CMBL: variants seen among roughly 807,000 people sequenced by gnomAD.
The protein encoded by CMBL is carboxymethylenebutenolidase homolog, also known as carboxymethylenebutenolidase homolog (Pseudomonas).
CMBL carries 17 observed loss-of-function variants against 28.7 expected under a neutral mutation model. The observed-to-expected ratio is 0.59, with a 90% CI of 0.41 to 0.89. The LOEUF (loss-of-function observed/expected upper bound fraction) is 0.89, where lower values mean the gene tolerates loss of function less well. Ranked by LOEUF, CMBL falls within the 40% of genes least tolerant of loss-of-function variation. The probability of loss-of-function intolerance (pLI) is 0.00; values close to 1 mark genes in which losing one functional copy is unlikely to be tolerated. For synonymous variants in CMBL, 106 were observed against 101.6 expected (o/e 1.04, Z -0.26); for missense variants, 310 against 298.5 (o/e 1.04, Z -0.28).
At chr5:10,304,564 T>C (rs1746965273) in intron 1 of CMBL, among the ~76,000 whole-genome samples, 1 of 152,262 alleles carries the variant, frequency 6.6e-6, no homozygotes, top group African/African-American at 2.4e-5. Context: ...GCTGCAACAC[T>C]TTATGAGAAA....
In CMBL at chr5:10,286,344, G is replaced by A; in HGVS notation, c.466+10C>T. 6.2e-7 allele frequency: 1 copy of A among 1,612,100 alleles called. No individual in the cohort carries two copies. Among genetic ancestry groups the A allele is most frequent in the Non-Finnish European group, 8.5e-7 (1 of 1,179,008 alleles). On this transcript the variant is annotated intron_variant, in intron 4 of 5. Transcript: ENST00000296658. Reference sequence around the variant, plus strand: ...TCTGCATGGAGTAAAAATGCACAAGGCAGATTTACCATAGACGGACACCCC... The same window carrying A: ...TCTGCATGGAGTAAAAATGCACAAGACAGATTTACCATAGACGGACACCCC...
At chr5:10,287,285 C>T (rs1055154431) in intron 3 of CMBL, among the ~76,000 whole-genome samples, 7 of 152,138 alleles carry the variant, frequency 4.6e-5, no homozygotes, top group South Asian at 2.1e-4. Context: ...CTATATACAC[C>T]ATAGACTATA....
At chr5:10,306,702 A>T (rs574707938) in intron 1 of CMBL, among the ~76,000 whole-genome samples, 10 of 152,326 alleles carry the variant, frequency 6.6e-5, no homozygotes, top group Admixed American at 1.3e-4. Flanking sequence ...ATGATTCTAC[A>T]AACATCAAAC....
chr5:10,288,418 T>C lies in CMBL; in HGVS notation c.323+4A>G. 6.2e-7 allele frequency: 1 copy of C among 1,610,138 alleles called. No homozygotes were observed. Among genetic ancestry groups the C allele is most frequent in the Non-Finnish European group, 8.5e-7 (1 of 1,176,412 alleles). On this transcript the variant is annotated splice_donor_region_variant and intron_variant, in intron 3 of 5. Coordinates refer to ENST00000296658, the MANE Select transcript of CMBL (RefSeq NM_138809.4). ...GCACATGGCCACGTCTGCGGATAACTCACCTATCGATCTTCTGGGCATTTC... is the reference window on the plus strand; with the variant it reads ...GCACATGGCCACGTCTGCGGATAACCCACCTATCGATCTTCTGGGCATTTC...
Position 10,289,347 on chromosome 5 carries a change from C to T in CMBL, c.216-818G>A, listed in dbSNP as rs747571854. Among the ~76,000 whole-genome samples, 1 of 152,028 alleles carries T rather than the reference C, an allele frequency of 6.6e-6. No individual in the cohort carries two copies. Among genetic ancestry groups the T allele is most frequent in the Admixed American group, 6.5e-5 (1 of 15,278 alleles). ...ACTGCCTAACCCCAGAGGATCCTCTCGAGGGCAAAAAAAGTTGTATACCTG... is the reference window on the plus strand; with the variant it reads ...ACTGCCTAACCCCAGAGGATCCTCTTGAGGGCAAAAAAAGTTGTATACCTG... On this transcript the variant is annotated intron_variant, in intron 2 of 5. Transcript: ENST00000296658. The surrounding 1 kb of genome is among the most constrained non-coding windows in gnomAD (Gnocchi z 4.3).
chr5:10,303,657 A>C (rs1746949410), intron 1 of CMBL, among the ~76,000 whole-genome samples: 1 of 152,122 alleles, frequency 6.6e-6, no homozygotes, highest in South Asian at 2.1e-4. Context: ...CACCAAGGAG[A>C]CCCCAGAATA....
At chr5:10,282,511 G>A (rs570722485) in intron 4 of CMBL, among the ~76,000 whole-genome samples, 5 of 152,272 alleles carry the variant, frequency 3.3e-5, no homozygotes, top group East Asian at 1.9e-4. Flanking sequence ...GGCCGGGCGC[G>A]GTGGCTCACG....
intron 1 of CMBL, among the ~76,000 whole-genome samples, chr5:10,301,605 G>GTTTT (rs1192683206): frequency 3.9e-5 from 3 of 77,270 alleles, no homozygotes; most frequent in East Asian, 2.1e-4. Flanking sequence ...TTTCTTTTCG[G>GTTTT]GTTTTTTTTT....
chr5:10,300,641 A>C (rs956658454), intron 1 of CMBL, among the ~76,000 whole-genome samples: 2 of 151,912 alleles, frequency 1.3e-5, no homozygotes, highest in Non-Finnish European at 2.9e-5. Context: ...CTCTACAAAA[A>C]AATTTTTTTA....
At position 10,304,501 on chromosome 5, in the gene CMBL, A is replaced by G. The variant is rs191277006; in HGVS notation, c.-20+3124T>C. On this transcript the variant is annotated intron_variant, in intron 1 of 5. Coordinates refer to ENST00000296658, the MANE Select transcript of CMBL (RefSeq NM_138809.4). The stretch of plus-strand genomic sequence containing the variant: ...TCCCACACTGGAAGGGTCTGTTTCC[A>G]GCTTCTGGCCAGAGACTACACTTCC... Among the ~76,000 whole-genome samples the G allele has an allele frequency of 5.2e-4, 79 of 152,286 alleles. 2 individuals carry two copies. In the South Asian group the frequency reaches 0.015, roughly 29 times the overall value.
chr5:10,298,396 T>C lies in CMBL; in HGVS notation c.-19-7615A>G, dbSNP rs72740415. 6.6e-3 allele frequency among the ~76,000 whole-genome samples: 1,005 copies of C among 151,908 alleles called. 5 individuals are homozygous for C. Among genetic ancestry groups the C allele is most frequent in the Non-Finnish European group, 0.01 (695 of 67,926 alleles). On this transcript the variant is annotated intron_variant, in intron 1 of 5. Coordinates refer to ENST00000296658, the MANE Select transcript of CMBL (RefSeq NM_138809.4). Reference sequence around the variant, plus strand: ...ATAAATCCCATTTCATGGTAACCAATTTAAAAAAAAAGGAAAGACAACTGC... The same window carrying C: ...ATAAATCCCATTTCATGGTAACCAACTTAAAAAAAAAGGAAAGACAACTGC...
At chr5:10,304,508 G>A (rs1746964387) in intron 1 of CMBL, among the ~76,000 whole-genome samples, 1 of 152,174 alleles carries the variant, frequency 6.6e-6, no homozygotes, top group Admixed American at 6.5e-5. Flanking sequence ...TCCAGCTTCT[G>A]GCCAGAGACT....
At chr5:10,281,033 C>T (rs1260731733) in intron 5 of CMBL, among the ~76,000 whole-genome samples, 1 of 152,240 alleles carries the variant, frequency 6.6e-6, no homozygotes, top group East Asian at 1.9e-4. Context: ...CTCTGCCTCC[C>T]AATGTGTTGG....
chr5:10,304,604 C>T (rs1193049396), intron 1 of CMBL, among the ~76,000 whole-genome samples: 1 of 152,202 alleles, frequency 6.6e-6, no homozygotes, highest in Non-Finnish European at 1.5e-5. Context: ...ATTTATGAAA[C>T]TCATCATTCT....
At chr5:10,301,606 G>GTATTT (rs1554014102) in intron 1 of CMBL, among the ~76,000 whole-genome samples, 1 of 132,260 alleles carries the variant, frequency 7.6e-6, no homozygotes, top group African/African-American at 2.9e-5. Context: ...TTCTTTTCGG[G>GTATTT]TTTTTTTTTT....
chr5:10,294,477 T>A (rs1339250719), intron 1 of CMBL, among the ~76,000 whole-genome samples: 1 of 151,448 alleles, frequency 6.6e-6, no homozygotes, highest in East Asian at 1.9e-4. Flanking sequence ...GGTAGGGGGA[T>A]CCCTTGAGCC....
rs540979033 is a variant in CMBL, at chr5:10,280,820, T to C, written c.559-188A>G. ...ACAGGGTCTCACTCTGTTGCCCAGG[T>C]TGGAGTTCAGTGGCGCCATCTCAGC... On this transcript the variant is annotated intron_variant, in intron 5 of 5. Transcript: ENST00000296658. Among the ~76,000 whole-genome samples the C allele has an allele frequency of 1.2e-4, 18 of 152,252 alleles. No homozygotes were observed. The South Asian group carries it at 3.1e-3, about 26-fold the overall frequency.
intron 4 of CMBL, among the ~76,000 whole-genome samples, chr5:10,282,888 G>T (rs1483301037): frequency 1.3e-5 from 2 of 152,084 alleles, no homozygotes; most frequent in Non-Finnish European, 2.9e-5. Context: ...TCAGGAGTCC[G>T]AGACTAGCCT....
At chr5:10,306,354 AG>A (rs1377837606) in intron 1 of CMBL, among the ~76,000 whole-genome samples, 7 of 152,120 alleles carry the variant, frequency 4.6e-5, no homozygotes, top group Admixed American at 4.6e-4. Flanking sequence ...GGAGAGCCTG[AG>A]CCCGGAGGGG....
Sources: gnomAD v4.1 joint callset for allele counts (sites outside exome capture counted in the v4.1 genomes callset) on GRCh38, gnomAD v4.1.1 for gene constraint, Gnocchi (gnomAD v3.1) non-coding constraint, MANE v1.5 for transcripts, NCBI Gene and HGNC (gene_info 2026-07-23, HGNC 2026-07-21) for gene names.